CDKAL1: variants seen among roughly 807,000 people sequenced by gnomAD.
CDKAL1 encodes threonylcarbamoyladenosine tRNA methylthiotransferase.
A neutral mutation model predicts 68.2 loss-of-function variants in CDKAL1; 32 were observed. The observed-to-expected ratio is 0.47, with a 90% CI of 0.35 to 0.63. CDKAL1 has a LOEUF of 0.63. CDKAL1 is among the 30% of genes least tolerant of loss of function. CDKAL1 has a pLI of 0.00. For synonymous variants in CDKAL1, 234 were observed against 244.3 expected, an observed-to-expected ratio of 0.96 and a Z score of 0.39; for missense variants, 606 against 696.7, an observed-to-expected ratio of 0.87 and a Z score of 1.47.
At chr6:20,724,472 T>G (rs558840361) in intron 5 of CDKAL1, among the ~76,000 whole-genome samples, 23 of 152,218 alleles carry the variant, frequency 1.5e-4, no homozygotes, top group East Asian at 7.7e-4. Flanking sequence ...ATCCCAGCAC[T>G]TTGGGAGGCC....
chr6:20,949,116 A>AAAAT (rs1322124178), intron 9 of CDKAL1, among the ~76,000 whole-genome samples: 2 of 152,226 alleles, frequency 1.3e-5, no homozygotes, highest in African/African-American at 2.4e-5. Context: ...AAGGCAATAA[A>AAAAT]AAATAGTGTT....
chr6:20,625,853 A>G (rs1767406321), intron 4 of CDKAL1, among the ~76,000 whole-genome samples: 1 of 152,098 alleles, frequency 6.6e-6, no homozygotes, highest in African/African-American at 2.4e-5. Flanking sequence ...GTAATTGGGA[A>G]ACTCTGCACC....
At position 21,231,991 on chromosome 6, in the gene CDKAL1, G is replaced by GTTTTTTTT. The variant is rs1268073337; in HGVS notation, c.*952_*953insTTTTTTTT. 1 of 130,468 alleles carries GTTTTTTTT rather than the reference G, an allele frequency of 7.7e-6. No homozygotes were observed. The highest frequency in any genetic ancestry group is 2.7e-5 in the African/African-American group (1 of 37,558). The allele number at this position is 130,468 out of a possible 1,614,324, so 8.1% of individuals were successfully genotyped here. On this transcript the variant is annotated 3_prime_UTR_variant, in exon 16 of 16. Transcript: ENST00000274695. ...TTTTCTCACATTTTTGATCCATTGG[G>GTTTTTTTT]GTTTTTTTTTTGTTTTTGTTTTTTT... is the stretch of plus-strand genomic sequence containing the variant.
At chr6:20,927,973 G>GT (rs1345654330) in intron 9 of CDKAL1, among the ~76,000 whole-genome samples, 6 of 152,200 alleles carry the variant, frequency 3.9e-5, no homozygotes, top group East Asian at 1.9e-4. Flanking sequence ...GTCTTACTCT[G>GT]TTTTTTCTAA....
At chr6:21,205,080 C>G (rs928799410) in intron 15 of CDKAL1, among the ~76,000 whole-genome samples, 3 of 152,218 alleles carry the variant, frequency 2.0e-5, no homozygotes, top group Non-Finnish European at 4.4e-5. Context: ...GCTTATTTCA[C>G]TTAGCATAAT....
chr6:21,127,176 A>G (rs1223496696), intron 13 of CDKAL1, among the ~76,000 whole-genome samples: 2 of 152,208 alleles, frequency 1.3e-5, no homozygotes, highest in Non-Finnish European at 2.9e-5. Flanking sequence ...GGGTGCAACT[A>G]ACCCAAGCAT....
At chr6:21,182,216 A>G (rs899278734) in intron 13 of CDKAL1, among the ~76,000 whole-genome samples, 1 of 152,258 alleles carries the variant, frequency 6.6e-6, no homozygotes, top group Non-Finnish European at 1.5e-5. Flanking sequence ...GGCCTTCAGA[A>G]TAAATTATAG....
intron 15 of CDKAL1, among the ~76,000 whole-genome samples, chr6:21,225,603 T>C (rs1779711759): frequency 6.6e-6 from 1 of 152,190 alleles, no homozygotes; most frequent in South Asian, 2.1e-4. Flanking sequence ...CTAAGGTAGA[T>C]GGCTTTCCTT....
chr6:20,686,613 A>G (rs1048763139), intron 5 of CDKAL1, among the ~76,000 whole-genome samples: 1 of 152,232 alleles, frequency 6.6e-6, no homozygotes, highest in African/African-American at 2.4e-5. Flanking sequence ...TGCACAATAA[A>G]TGTAATGCGC....
intron 5 of CDKAL1, among the ~76,000 whole-genome samples, chr6:20,671,944 C>A (rs1019744764): frequency 6.6e-6 from 1 of 152,158 alleles, no homozygotes; most frequent in Non-Finnish European, 1.5e-5. Flanking sequence ...GTCTTTACCA[C>A]CAGTGTTTTG....
At chr6:20,664,121 C>T (rs73732659) in intron 5 of CDKAL1, among the ~76,000 whole-genome samples, 2,585 of 152,186 alleles carry the variant, frequency 0.017, 57 homozygotes, top group African/African-American at 0.059. Flanking sequence ...CAGGATACAA[C>T]CTACACATTC....
chr6:20,632,521 A>G (rs1390766245), intron 4 of CDKAL1, among the ~76,000 whole-genome samples: 1 of 152,214 alleles, frequency 6.6e-6, no homozygotes, highest in Non-Finnish European at 1.5e-5. Flanking sequence ...GATCCCTTCC[A>G]AGAAATACCA....
chr6:20,849,287 A>G (rs555937795), intron 9 of CDKAL1, among the ~76,000 whole-genome samples: 8 of 152,038 alleles, frequency 5.3e-5, no homozygotes, highest in African/African-American at 9.6e-5. Context: ...GGCTATGTCA[A>G]TATTATGAAG....
chr6:20,569,848 G>A (rs761651280), intron 4 of CDKAL1, among the ~76,000 whole-genome samples: 5 of 152,124 alleles, frequency 3.3e-5, no homozygotes, highest in African/African-American at 9.7e-5. Flanking sequence ...TTGAGGATTG[G>A]AAGTTAAAAA....
intron 8 of CDKAL1, among the ~76,000 whole-genome samples, chr6:20,823,766 G>A (rs546655201): frequency 3.3e-5 from 5 of 152,174 alleles, no homozygotes; most frequent in Admixed American, 2.0e-4. Context: ...CGAATGCTGC[G>A]TTTTCTAGGA....
chr6:20,744,085 T>C (rs1390946653), intron 6 of CDKAL1, among the ~76,000 whole-genome samples: 1 of 152,226 alleles, frequency 6.6e-6, no homozygotes, highest in African/African-American at 2.4e-5. Flanking sequence ...CAAATAGTTA[T>C]AGTTAATCAT....
intron 7 of CDKAL1, among the ~76,000 whole-genome samples, chr6:20,773,256 T>C (rs1258196780): frequency 1.3e-5 from 2 of 152,190 alleles, no homozygotes; most frequent in African/African-American, 4.8e-5. Context: ...TTCAAAGGAG[T>C]GTCACACTTT....
At chr6:21,129,785 A>C (rs1775206247) in intron 13 of CDKAL1, among the ~76,000 whole-genome samples, 1 of 151,834 alleles carries the variant, frequency 6.6e-6, no homozygotes, top group Non-Finnish European at 1.5e-5. Context: ...ATACTAATGC[A>C]TTGATGGTAG....
intron 9 of CDKAL1, among the ~76,000 whole-genome samples, chr6:20,847,857 A>C (rs1029110003): frequency 5.9e-5 from 9 of 152,232 alleles, no homozygotes; most frequent in African/African-American, 1.9e-4. Context: ...ATTAAGCAAC[A>C]AAAGCAGAGA....
Sources: gnomAD v4.1 joint callset for allele counts (sites outside exome capture counted in the v4.1 genomes callset) on GRCh38, gnomAD v4.1.1 for gene constraint, MANE v1.5 for transcripts, NCBI Gene and HGNC (gene_info 2026-07-23, HGNC 2026-07-21) for gene names.